Variants in AGBL3 observed in about 807,000 individuals in gnomAD.
AGBL3 encodes the protein cytosolic carboxypeptidase 3.
A neutral mutation model predicts 94.5 loss-of-function variants in AGBL3; 68 were observed. The ratio of observed to expected loss-of-function variants is 0.72; its 90% CI spans 0.59 to 0.88. The LOEUF is 0.88. Ranked by LOEUF, AGBL3 falls within the 40% of genes least tolerant of loss-of-function variation. The pLI, the probability that AGBL3 is intolerant of heterozygous loss-of-function variation, is 0.00. For missense variants in AGBL3, 934 were observed against 1,103.8 expected, an observed-to-expected ratio of 0.85 and a Z score of 2.18; for synonymous variants, 354 against 370.7, an observed-to-expected ratio of 0.95 and a Z score of 0.52.
At chr7:135,111,547 AG>A (rs747900195) in intron 15 of AGBL3, among the ~76,000 whole-genome samples, 44 of 151,962 alleles carry the variant, frequency 2.9e-4, no homozygotes, top group East Asian at 1.4e-3. Context: ...AATAAACCCA[AG>A]ACTTATCCTA....
At chr7:135,108,943 C>T (rs1025001598) in intron 15 of AGBL3, among the ~76,000 whole-genome samples, 4 of 152,190 alleles carry the variant, frequency 2.6e-5, no homozygotes, top group African/African-American at 4.8e-5. Context: ...AGTCTTCAAG[C>T]TCCAAGATTC....
In AGBL3 at chr7:135,091,054, G is replaced by A. The variant is rs556557258; in HGVS notation, c.2110+9264G>A. Among the ~76,000 whole-genome samples, 46 of 152,282 alleles carry A rather than the reference G, an allele frequency of 3.0e-4. No homozygotes were observed. In the South Asian group the frequency reaches 9.3e-3, roughly 31 times the overall value. The stretch of plus-strand genomic sequence containing the variant: ...TGCAGGGACCTCAGTGGTGAAGTCA[G>A]TAGGTGTCTAATGTGTTGATGGAGG... On this transcript the variant is annotated intron_variant, in intron 15 of 16. Coordinates refer to ENST00000436302, the MANE Select transcript of AGBL3 (RefSeq NM_178563.4).
chr7:135,025,982 T>C (rs1196751619), intron 5 of AGBL3, among the ~76,000 whole-genome samples: 1 of 151,648 alleles, frequency 6.6e-6, no homozygotes, highest in Non-Finnish European at 1.5e-5. Flanking sequence ...TAGGAGACTT[T>C]AACACCCCAC....
chr7:135,063,874 A>G (rs2116720078), intron 12 of AGBL3, among the ~76,000 whole-genome samples: 1 of 152,308 alleles, frequency 6.6e-6, no homozygotes, highest in Middle Eastern at 3.4e-3. Context: ...TTTCTTGTTC[A>G]TGAATCTGAA....
At position 135,071,129 on chromosome 7, in the gene AGBL3, CAA is replaced by C. The variant is rs1216293861; in HGVS notation, c.1909-5266_1909-5265del. The stretch of plus-strand genomic sequence containing the variant: ...AGTGAACTCCCATTCACAACTGCTT[CAA>C]AGAGAATAAAATACCTAGGAATCCA... On this transcript the variant is annotated intron_variant, in intron 12 of 16. Transcript: ENST00000436302. 3.3e-5 allele frequency among the ~76,000 whole-genome samples: 5 copies of C among 152,178 alleles called. No homozygotes were observed. In the South Asian group the frequency reaches 1.0e-3, roughly 32 times the overall value.
Position 135,134,917 on chromosome 7 carries a change from A to G in AGBL3, c.2419A>G (p.Ile807Val). The G allele has an allele frequency of 6.4e-7, 1 of 1,551,156 alleles. No individual in the cohort carries two copies. Among genetic ancestry groups the G allele is most frequent in the Non-Finnish European group, 8.7e-7 (1 of 1,146,634 alleles). ...WTAPRNHPFV[I>V]QGDVMANSSE... ...AGCACCCAGAAATCACCCTTTTGTA[A>G]TCCAAGGGGATGTTATGGCAAACTC... The change falls in exon 17 of 17, where the codon ATC (isoleucine) becomes GTC (valine). Residue 807 changes from isoleucine (I) to valine (V), a missense_variant. Physicochemically the swap from Ile to Val is conservative, Grantham distance 29. This residue lies in a region of AGBL3 where 441 missense variants were observed against 518.2 expected (regional missense o/e 0.85). Coordinates refer to ENST00000436302, the MANE Select transcript of AGBL3 (RefSeq NM_178563.4).
intron 4 of AGBL3, among the ~76,000 whole-genome samples, chr7:134,994,058 T>G (rs1390963327): frequency 6.6e-6 from 1 of 152,212 alleles, no homozygotes; most frequent in African/African-American, 2.4e-5. Context: ...CTCCTGAAGC[T>G]TTAGCAATTC....
Position 135,025,205 on chromosome 7 carries a change from T to A in AGBL3, c.419-7639T>A, listed in dbSNP as rs370108733. ...CAAAGTCAACATGAAAGAAAAAATCTTAAAGGCAGCGAGAGAGAAGGGTGA... is the reference window on the plus strand; with the variant it reads ...CAAAGTCAACATGAAAGAAAAAATCATAAAGGCAGCGAGAGAGAAGGGTGA... On this transcript the variant is annotated intron_variant, in intron 5 of 16. Coordinates refer to ENST00000436302, the MANE Select transcript of AGBL3 (RefSeq NM_178563.4). 1.3e-4 allele frequency among the ~76,000 whole-genome samples: 19 copies of A among 151,600 alleles called. 3 individuals carry two copies. In the East Asian group the frequency reaches 1.4e-3, roughly 12 times the overall value.
chr7:135,124,233 A>AC (rs1401859599), intron 16 of AGBL3, among the ~76,000 whole-genome samples: 4 of 151,730 alleles, frequency 2.6e-5, no homozygotes, highest in Non-Finnish European at 4.4e-5. Flanking sequence ...AAAAAAAAAA[A>AC]GTAGGGGTTG....
At chr7:135,127,561 A>T (rs1828066171) in intron 16 of AGBL3, among the ~76,000 whole-genome samples, 2 of 152,140 alleles carry the variant, frequency 1.3e-5, no homozygotes, top group South Asian at 4.1e-4. Flanking sequence ...AAAAAAAAAA[A>T]AAAAACTCAA....
rs1039603287 is a variant in AGBL3 at position 135,041,609 on chromosome 7, T to TAGAAGAAAACAC, written c.1501-2407_1501-2406insCACAGAAGAAAA. Reference sequence around the variant, plus strand: ...CTTAAATGTAAAACTGTAAAACTTTTAGAAGAAAATTTTTATGACATGGAA... The same window carrying TAGAAGAAAACAC: ...CTTAAATGTAAAACTGTAAAACTTTTAGAAGAAAACACAGAAGAAAATTTTTATGACATGGAA... On this transcript the variant is annotated intron_variant, in intron 8 of 16. Transcript: ENST00000436302. 2.0e-3 allele frequency among the ~76,000 whole-genome samples: 5 copies of TAGAAGAAAACAC among 2,514 alleles called. No homozygotes were observed. The South Asian group carries it at 0.21, about 105-fold the overall frequency. The allele number at this position is 2,514 out of a possible 152,430, so 1.6% of individuals were successfully genotyped here.
At chr7:135,018,080 T>C (rs566985095) in intron 5 of AGBL3, among the ~76,000 whole-genome samples, 103 of 152,276 alleles carry the variant, frequency 6.8e-4, no homozygotes, top group African/African-American at 2.4e-3. Context: ...TTTAATTTAA[T>C]GAATTTTAAA....
At chr7:135,066,555 G>A (rs1291083694) in intron 12 of AGBL3, among the ~76,000 whole-genome samples, 6 of 152,156 alleles carry the variant, frequency 3.9e-5, no homozygotes, top group Non-Finnish European at 7.3e-5. Flanking sequence ...AAACAATATG[G>A]AGTTTCCTCA....
chr7:135,034,767 G>C lies in AGBL3; in HGVS notation c.1176G>C (p.Arg392=), dbSNP rs1471866896. ...LGNSSDAQLL[R]DTFVFKVVPM... ...ACTCAAGTGATGCACAGTTGCTTCG[G>C]GACACTTTTGTCTTCAAGGTGGTAC... is the stretch of plus-strand genomic sequence containing the variant. The change falls in exon 7 of 17, where the codon CGG becomes CGC. Residue 392 remains arginine (R), a synonymous_variant. Transcript: ENST00000436302. The C allele has an allele frequency of 1.9e-6, 3 of 1,551,638 alleles. No homozygotes were observed. The highest frequency in any genetic ancestry group is 2.6e-6 in the Non-Finnish European group (3 of 1,147,002).
At chr7:134,997,756 A>G (rs1324523265) in intron 4 of AGBL3, among the ~76,000 whole-genome samples, 1 of 152,220 alleles carries the variant, frequency 6.6e-6, no homozygotes, top group Non-Finnish European at 1.5e-5. Context: ...CCAAGAGTTT[A>G]GCAAGGTCCA....
chr7:135,056,024 C>T (rs1818319290), intron 11 of AGBL3, among the ~76,000 whole-genome samples: 1 of 152,074 alleles, frequency 6.6e-6, no homozygotes, highest in South Asian at 2.1e-4. Flanking sequence ...TGGTCTGTTT[C>T]ATCTAAGCTA....
intron 15 of AGBL3, among the ~76,000 whole-genome samples, chr7:135,085,472 A>C (rs1821263442): frequency 6.6e-6 from 1 of 152,032 alleles, no homozygotes; most frequent in Non-Finnish European, 1.5e-5. Flanking sequence ...TGGTAGTTTC[A>C]TAGTTTGGGG....
chr7:135,122,794 A>C lies in AGBL3; in HGVS notation c.2342+7183A>C, dbSNP rs77339191. 7.1e-4 allele frequency among the ~76,000 whole-genome samples: 108 copies of C among 152,324 alleles called. 1 individual carries two copies. In the East Asian group the frequency reaches 0.017, roughly 24 times the overall value. On this transcript the variant is annotated intron_variant, in intron 16 of 16. Transcript: ENST00000436302. Reference sequence around the variant, plus strand: ...CCCCAGCAAACAGCAGCAGCCCTATAGAAAAGGGACCTGACCAATGAAAGA... The same window carrying C: ...CCCCAGCAAACAGCAGCAGCCCTATCGAAAAGGGACCTGACCAATGAAAGA...
chr7:134,998,562 C>T (rs2133396066), intron 4 of AGBL3, among the ~76,000 whole-genome samples: 1 of 152,304 alleles, frequency 6.6e-6, no homozygotes, highest in Admixed American at 6.5e-5. Flanking sequence ...AGATTGCCAG[C>T]AGTAATACCA....
Sources: gnomAD v4.1 joint callset for allele counts (sites outside exome capture counted in the v4.1 genomes callset) on GRCh38, gnomAD v4.1.1 for gene constraint, gnomAD v4.1.1 regional missense constraint, MANE v1.5 for transcripts, NCBI Gene and HGNC (gene_info 2026-07-23, HGNC 2026-07-21) for gene names.